The following MIS18BP1 variants were observed in gnomAD, a reference collection of about 807,000 sequenced individuals.
MIS18BP1 encodes MIS18 binding protein 1, also known as mis18-binding protein 1.
A neutral mutation model predicts 116.1 loss-of-function variants in MIS18BP1; 72 were observed. The observed-to-expected ratio is 0.62, with a 90% CI of 0.51 to 0.75. The LOEUF is 0.75. Among genes scored for constraint, MIS18BP1 ranks in the 30% least tolerant of loss-of-function variants. MIS18BP1 has a pLI of 0.00. For synonymous variants in MIS18BP1, 386 were observed against 427.0 expected, an observed-to-expected ratio of 0.90 and a Z score of 1.18; for missense variants, 1,363 against 1,303.2, an observed-to-expected ratio of 1.05 and a Z score of -0.71.
chr14:45,224,272 G>A lies in MIS18BP1; in HGVS notation c.2315C>T (p.Ser772Leu), dbSNP rs1566810128. The change falls in exon 11 of 17, where the codon TCA becomes TTA. Residue 772 changes from serine to leucine, a missense_variant. Coordinates refer to ENST00000310806, the MANE Select transcript of MIS18BP1 (RefSeq NM_018353.5). Reference protein sequence around the residue: ...FYKHQSSPDLSSEESETEKEI... With the variant: ...FYKHQSSPDLLSEESETEKEI... ...CTTTTCTGTTTCACTTTCTTCACTT[G>A]ACAAATCTGGTGAGGACTGATGCTT... is the stretch of plus-strand genomic sequence containing the variant. The A allele has an allele frequency of 6.2e-7, 1 of 1,613,686 alleles. No individual in the cohort carries two copies. The highest frequency in any genetic ancestry group is 1.7e-4 in the Middle Eastern group (1 of 6,060).
chr14:45,229,014 G>A (rs1325011036), intron 8 of MIS18BP1, among the ~76,000 whole-genome samples: 1 of 151,296 alleles, frequency 6.6e-6, no homozygotes, highest in Non-Finnish European at 1.5e-5. Context: ...AATAACTTAC[G>A]TGATATGAAG....
Position 45,224,315 on chromosome 14 carries a change from C to T in MIS18BP1, c.2272G>A (p.Val758Ile), listed in dbSNP as rs1182541399. The change falls in exon 11 of 17, where the codon GTA becomes ATA. Residue 758 changes from valine (V) to isoleucine (I), a missense_variant. By Grantham distance (29) the Val-to-Ile change is conservative (BLOSUM62 3). Coordinates refer to ENST00000310806, the MANE Select transcript of MIS18BP1 (RefSeq NM_018353.5). ...LPKLKKIENQ[V>I]AMSFYKHQSS... ...TGATGCTTATAAAATGACATAGCTA[C>T]CTGATTTTCTATTTTCTTCAATTTT... 1.2e-6 allele frequency: 2 copies of T among 1,613,848 alleles called. No homozygotes were observed. The highest frequency in any genetic ancestry group is 1.1e-5 in the South Asian group (1 of 91,054).
intron 14 of MIS18BP1, among the ~76,000 whole-genome samples, chr14:45,207,782 GTTATGAA>G (rs1242106616): frequency 6.6e-6 from 1 of 152,146 alleles, no homozygotes; most frequent in African/African-American, 2.4e-5. Flanking sequence ...ACTTAAAACT[GTTATGAA>G]AAGTACGTCA....
intron 1 of MIS18BP1, among the ~76,000 whole-genome samples, chr14:45,252,353 T>C (rs1360062163): frequency 6.6e-6 from 1 of 152,130 alleles, no homozygotes; most frequent in African/African-American, 2.4e-5. Context: ...CAAGAAACAT[T>C]AAATTGAAAA....
chr14:45,208,137 T>C lies in MIS18BP1; in HGVS notation c.3153-1967A>G, dbSNP rs150933580. Among the ~76,000 whole-genome samples, 172 of 152,332 alleles carry C rather than the reference T, an allele frequency of 1.1e-3. 2 individuals carry two copies. The East Asian group carries it at 0.03, about 27-fold the overall frequency. On this transcript the variant is annotated intron_variant, in intron 14 of 16. Coordinates refer to ENST00000310806, the MANE Select transcript of MIS18BP1 (RefSeq NM_018353.5). ...CTATCCACTGGACATTTTTCTGTCA[T>C]TAAATTCTTGAAGACATGATTTGTT...
intron 11 of MIS18BP1, among the ~76,000 whole-genome samples, chr14:45,221,823 G>A (rs1243235101): frequency 3.3e-5 from 5 of 152,210 alleles, no homozygotes; most frequent in African/African-American, 9.6e-5. Context: ...CAAATACCAA[G>A]AGAGGAGCAG....
intron 14 of MIS18BP1, 185 bp from the exon 15 acceptor site, chr14:45,206,355 T>A (rs563213188): frequency 2.1e-4 from 105 of 503,626 alleles, no homozygotes; most frequent in African/African-American, 2.0e-3. Context: ...AACATGATAA[T>A]GGCTCACTGC....
At chr14:45,239,525 G>A (rs888780883) in intron 4 of MIS18BP1, among the ~76,000 whole-genome samples, 1 of 152,088 alleles carries the variant, frequency 6.6e-6, no homozygotes, top group African/African-American at 2.4e-5. Context: ...GTAAGTGAGA[G>A]GGAATAAGTG....
rs200524913 is a variant in MIS18BP1 at position 45,218,448 on chromosome 14, A to C, written c.2676T>G (p.Phe892Leu). 70 of 1,601,918 alleles carry C rather than the reference A, an allele frequency of 4.4e-5. No homozygotes were observed. The highest frequency in any genetic ancestry group is 5.4e-5 in the Non-Finnish European group (64 of 1,177,328). The change falls in exon 12 of 17, where the codon TTT becomes TTG. Residue 892 changes from phenylalanine (F) to leucine (L), a missense_variant. Phe to Leu is a conservative substitution (Grantham distance 22). Coordinates refer to ENST00000310806, the MANE Select transcript of MIS18BP1 (RefSeq NM_018353.5). ...EKELQKLHCAFASLPKHKPGF... is the reference protein window; with the variant it reads ...EKELQKLHCALASLPKHKPGF... ...CAGGTTTGTGCTTTGGAAGAGATGC[A>C]AAAGCACTATGGAAGATCAAAACCA... is the stretch of plus-strand genomic sequence containing the variant.
chr14:45,215,514 G>A (rs1481730612), intron 13 of MIS18BP1, among the ~76,000 whole-genome samples: 1 of 152,078 alleles, frequency 6.6e-6, no homozygotes, highest in East Asian at 1.9e-4. Context: ...TGGGGTTCAA[G>A]TGATTCTCCT....
At chr14:45,223,401 A>C (rs1425495640) in intron 11 of MIS18BP1, among the ~76,000 whole-genome samples, 2 of 152,132 alleles carry the variant, frequency 1.3e-5, no homozygotes, top group East Asian at 1.9e-4. Context: ...ACATGGTGAA[A>C]CCTCATCTCT....
chr14:45,250,295 C>T (rs1185694620), intron 1 of MIS18BP1, among the ~76,000 whole-genome samples: 1 of 152,154 alleles, frequency 6.6e-6, no homozygotes. Flanking sequence ...AGAAAAAAAT[C>T]GTCTACAATT....
In MIS18BP1 at chr14:45,242,028, T is replaced by C. The variant is rs1190641137; in HGVS notation, c.1143+6A>G. ...AAATAAATATCTGTCTTAAAAGTTTTCCCACCTGATTTTTTTTAAGTCCAT... is the reference window on the plus strand; with the variant it reads ...AAATAAATATCTGTCTTAAAAGTTTCCCCACCTGATTTTTTTTAAGTCCAT... On this transcript the variant is annotated splice_donor_region_variant and intron_variant, in intron 4 of 16. Transcript: ENST00000310806. The C allele has an allele frequency of 6.3e-7, 1 of 1,592,162 alleles. No homozygotes were observed. Among genetic ancestry groups the C allele is most frequent in the Non-Finnish European group, 8.5e-7 (1 of 1,170,638 alleles).
rs1301265837 is a variant in MIS18BP1 at position 45,240,738 on chromosome 14, C to A, written c.1143+1296G>T. ...TGTTTATATGTTAATGAGAATAATC[C>A]AAAAAAAAAAAAATTTAGCCGGGCA... On this transcript the variant is annotated intron_variant, in intron 4 of 16. Coordinates refer to ENST00000310806, the MANE Select transcript of MIS18BP1 (RefSeq NM_018353.5). Among the ~76,000 whole-genome samples, 19 of 141,822 alleles carry A rather than the reference C, an allele frequency of 1.3e-4. No homozygotes were observed. In the East Asian group the frequency reaches 1.6e-3, roughly 12 times the overall value. The allele number at this position is 141,822 out of a possible 152,430, so 93.0% of individuals were successfully genotyped here.
rs767528411 is a variant in MIS18BP1 at position 45,224,688 on chromosome 14, G to A, written c.1899C>T (p.Phe633=). The A allele has an allele frequency of 6.2e-7, 1 of 1,609,198 alleles. No homozygotes were observed. The highest frequency in any genetic ancestry group is 8.5e-7 in the Non-Finnish European group (1 of 1,178,744). Residue 633 remains phenylalanine, a synonymous_variant, in exon 11 of 17, where the codon TTC becomes TTT. Coordinates refer to ENST00000310806, the MANE Select transcript of MIS18BP1 (RefSeq NM_018353.5). ...CCATGTATTTTCTTTCTTCATCTGA[G>A]AAAAACTGTTCCCTTGAGGTTAGAA... The part of the protein sequence containing the change: ...IDILTSREQF[F]SDEERKYMAI...
At chr14:45,225,144 T>C (rs1014363885) in intron 10 of MIS18BP1, among the ~76,000 whole-genome samples, 2 of 152,306 alleles carry the variant, frequency 1.3e-5, no homozygotes, top group Admixed American at 6.5e-5. Context: ...CCACTCTGCT[T>C]TGAAGATGTT....
intron 13 of MIS18BP1, among the ~76,000 whole-genome samples, chr14:45,216,745 T>TA (rs1286619039): frequency 6.6e-6 from 1 of 152,234 alleles, no homozygotes; most frequent in Non-Finnish European, 1.5e-5. Context: ...TGCTAGGTAG[T>TA]ATATTAAACT....
intron 1 of MIS18BP1, among the ~76,000 whole-genome samples, chr14:45,248,159 G>A (rs142701285): frequency 3.3e-5 from 5 of 150,034 alleles, no homozygotes; most frequent in African/African-American, 9.8e-5. Flanking sequence ...CGCCTCCCAG[G>A]TTCAAGCAAT....
chr14:45,209,594 C>T (rs1488273963), intron 14 of MIS18BP1, among the ~76,000 whole-genome samples: 1 of 152,132 alleles, frequency 6.6e-6, no homozygotes, highest in African/African-American at 2.4e-5. Context: ...GCTGGGATTA[C>T]AGGCTTCAGC....
Sources: gnomAD v4.1 joint callset for allele counts (sites outside exome capture counted in the v4.1 genomes callset) on GRCh38, gnomAD v4.1.1 for gene constraint, MANE v1.5 for transcripts, NCBI Gene and HGNC (gene_info 2026-07-23, HGNC 2026-07-21) for gene names.